NF1: variants seen among roughly 807,000 people sequenced by gnomAD.
NF1 encodes neurofibromin 1.
A neutral mutation model predicts 325.7 loss-of-function variants in NF1; 122 were observed. The observed-to-expected ratio is 0.37, with a 90% CI of 0.32 to 0.44. NF1 has a LOEUF of 0.44. Among genes scored for constraint, NF1 ranks in the 20% least tolerant of loss-of-function variants. The probability of loss-of-function intolerance (pLI) is 1.00; values close to 1 mark genes in which losing one functional copy is unlikely to be tolerated. For missense variants in NF1, 2,140 were observed against 3,415.4 expected (o/e 0.63, Z 9.31); for synonymous variants, 1,091 against 1,186.0 (o/e 0.92, Z 1.65).
At chr17:31,248,880 C>T (rs546158188) in intron 29 of NF1, 104 bp from the exon 30 acceptor site, 63 of 1,048,730 alleles carry the variant, frequency 6.0e-5, no homozygotes, top group African/African-American at 9.5e-5. Context: ...GAAGTCTACA[C>T]GTTGCACTTG....
intron 50 of NF1, among the ~76,000 whole-genome samples, chr17:31,351,282 A>G (rs1404570590): frequency 1.3e-5 from 2 of 152,214 alleles, no homozygotes; most frequent in African/African-American, 2.4e-5. Flanking sequence ...CAGTTAATGT[A>G]TTTTATACTT....
At chr17:31,167,855 G>A (rs1383460959) in intron 4 of NF1, among the ~76,000 whole-genome samples, 1 of 152,074 alleles carries the variant, frequency 6.6e-6, no homozygotes, top group Non-Finnish European at 1.5e-5. Context: ...GGAGAAGCTG[G>A]GGTTTAAACA....
chr17:31,365,106 C>T (rs1230287602), intron 57 of NF1, among the ~76,000 whole-genome samples: 3 of 151,582 alleles, frequency 2.0e-5, no homozygotes, highest in African/African-American at 4.8e-5. Context: ...GGCAACATGA[C>T]GAAATCCCAT....
At chr17:31,206,523 G>C in intron 12 of NF1, 152 bp downstream of exon 12, 1 of 910,674 alleles carries the variant, frequency 1.1e-6, no homozygotes, top group Non-Finnish European at 1.8e-6. Context: ...CTAGAATATT[G>C]TTGAATACTA....
intron 29 of NF1, among the ~76,000 whole-genome samples, chr17:31,244,813 C>G (rs1256253873): frequency 6.6e-6 from 1 of 152,074 alleles, no homozygotes. Flanking sequence ...TATGAAGGTG[C>G]TTTTTTGTAT....
intron 36 of NF1, among the ~76,000 whole-genome samples, chr17:31,323,696 A>G (rs116276301): frequency 6.4e-4 from 98 of 152,240 alleles, no homozygotes; most frequent in African/African-American, 2.2e-3. Flanking sequence ...CAACACATCT[A>G]GTTACCTGTT....
At chr17:31,118,401 C>T (rs1206519863) in intron 1 of NF1, among the ~76,000 whole-genome samples, 1 of 151,884 alleles carries the variant, frequency 6.6e-6, no homozygotes, top group African/African-American at 2.4e-5. Context: ...ATCAACCTGT[C>T]GTCTACCTTA....
rs1567628605 is a variant in NF1 at position 31,360,518 on chromosome 17, T to C, written c.8192T>C (p.Ile2731Thr). ...QTQIPDYAEL[I>T]VKFLDALIDT... ...CAAATTCCAGACTATGCTGAGCTTA[T>C]TGTTAAGTTTCTTGATGCCTTGATT... Residue 2731 changes from isoleucine to threonine, a missense_variant, in exon 57 of 58, where the codon ATT becomes ACT. Ile to Thr is a moderately conservative substitution (Grantham distance 89). Coordinates refer to ENST00000358273, the MANE Select transcript of NF1 (RefSeq NM_001042492.3). 1.2e-6 allele frequency: 2 copies of C among 1,614,032 alleles called. No homozygotes were observed. Among genetic ancestry groups the C allele is most frequent in the African/African-American group, 1.3e-5 (1 of 74,926 alleles).
At position 31,232,898 on chromosome 17, in the gene NF1, G is replaced by A. The variant is rs1249632527; in HGVS notation, c.3496+17G>A. ...ACTCCATAGGTGAGATCAAATGAAAGTTTCATATAGAAATACAAAACCTAG... is the reference window on the plus strand; with the variant it reads ...ACTCCATAGGTGAGATCAAATGAAAATTTCATATAGAAATACAAAACCTAG... On this transcript the variant is annotated intron_variant, in intron 26 of 57. Coordinates refer to ENST00000358273, the MANE Select transcript of NF1 (RefSeq NM_001042492.3). The A allele has an allele frequency of 1.2e-6, 2 of 1,613,812 alleles. No individual in the cohort carries two copies. The highest frequency in any genetic ancestry group is 1.7e-6 in the Non-Finnish European group (2 of 1,179,940).
rs200926157 is a variant in NF1 at position 31,288,522 on chromosome 17, G to GTTTTTTTTTTTTTT, written c.4835+23194_4835+23207dup. 2.1e-4 allele frequency among the ~76,000 whole-genome samples: 25 copies of GTTTTTTTTTTTTTT among 119,640 alleles called. 1 individual carries two copies. Among genetic ancestry groups the GTTTTTTTTTTTTTT allele is most frequent in the Non-Finnish European group, 3.0e-4 (16 of 53,090 alleles). 78.5% of individuals were successfully genotyped at this position (119,640 alleles called of 152,430 possible). On this transcript the variant is annotated intron_variant, in intron 36 of 57. Coordinates refer to ENST00000358273, the MANE Select transcript of NF1 (RefSeq NM_001042492.3). The stretch of plus-strand genomic sequence containing the variant: ...GCCCAGAACTAGTTTTTTTTGCTTT[G>GTTTTTTTTTTTTTT]TTTTTTTTTTTTTTTTTTTTTTTTG...
chr17:31,330,455 G>T lies in NF1; in HGVS notation c.5769G>T (p.Thr1923=), dbSNP rs780145472. ...TGGCAGCCAATGAGCCACACCTCAC[G>T]TTAGAATTTTTGGAAGAGTGTATTT... ...KTLAANEPHL[T]LEFLEECISG... is the part of the protein sequence containing the mutation. Residue 1923 remains threonine (T), a synonymous_variant, in exon 39 of 58, where the codon ACG becomes ACT. Transcript: ENST00000358273. 1 of 1,613,748 alleles carries T rather than the reference G, an allele frequency of 6.2e-7. No individual in the cohort carries two copies. Among genetic ancestry groups the T allele is most frequent in the Non-Finnish European group, 8.5e-7 (1 of 1,179,786 alleles).
chr17:31,321,897 G>A (rs1421168863), intron 36 of NF1: 1 of 152,008 alleles, frequency 6.6e-6, no homozygotes, highest in Non-Finnish European at 1.5e-5. Flanking sequence ...GTTTTGAAAT[G>A]GTATCTTCCA....
chr17:31,262,011 T>TTA (rs2067695015), intron 35 of NF1, among the ~76,000 whole-genome samples, 154 bp downstream of exon 35: 1 of 152,258 alleles, frequency 6.6e-6, no homozygotes, highest in South Asian at 2.1e-4. Context: ...TATATATTAT[T>TTA]TATATATATA....
intron 1 of NF1, among the ~76,000 whole-genome samples, chr17:31,139,130 C>T (rs1916019504): frequency 6.6e-6 from 1 of 152,110 alleles, no homozygotes; most frequent in Non-Finnish European, 1.5e-5. Context: ...TCACTGCAAC[C>T]TCCACTTCCC....
At chr17:31,201,312 T>G (rs2143883105) in intron 10 of NF1, 99 bp from the exon 11 acceptor site, 1 of 1,466,144 alleles carries the variant, frequency 6.8e-7, no homozygotes, top group Non-Finnish European at 9.4e-7. Context: ...TTAGTGTTTT[T>G]TTTTTAAACT....
chr17:31,192,430 C>T (rs1425210338), intron 8 of NF1, among the ~76,000 whole-genome samples: 4 of 152,158 alleles, frequency 2.6e-5, no homozygotes, highest in Admixed American at 6.5e-5. Flanking sequence ...TAAATTTAGA[C>T]GTTGTCTGGT....
intron 36 of NF1, among the ~76,000 whole-genome samples, chr17:31,316,307 T>A (rs2069019495): frequency 6.6e-6 from 1 of 152,222 alleles, no homozygotes. Flanking sequence ...CCTACCATTT[T>A]AAAATACCTG....
rs139944446 is a variant in NF1, at chr17:31,196,221, G to C, written c.889-4201G>C. ...CTCATTCACGTTTACTATTTTATTG[G>C]TCTTTAAAACCTAGGCTTTGATTTT... is the stretch of plus-strand genomic sequence containing the variant. On this transcript the variant is annotated intron_variant, in intron 8 of 57. Transcript: ENST00000358273. Among the ~76,000 whole-genome samples, 689 of 149,972 alleles carry C rather than the reference G, an allele frequency of 4.6e-3. 5 individuals carry two copies. Among genetic ancestry groups the C allele is most frequent in the African/African-American group, 0.016 (659 of 40,812 alleles).
At chr17:31,362,218 TG>T in intron 57 of NF1, 1 of 713,596 alleles carries the variant, frequency 1.4e-6, no homozygotes, top group Non-Finnish European at 1.7e-6. Context: ...GGTCTGCTTC[TG>T]GTCTTGCCCA....
Sources: allele counts gnomAD v4.1 joint callset (sites outside exome capture counted in the v4.1 genomes callset), GRCh38; gene constraint gnomAD v4.1.1; transcripts MANE v1.5; gene names NCBI Gene and HGNC (gene_info 2026-07-23, HGNC 2026-07-21).